The following KCNIP4 variants were observed in gnomAD, a reference collection of about 807,000 sequenced individuals.
KCNIP4 encodes the protein Kv channel-interacting protein 4.
A neutral mutation model predicts 34.0 loss-of-function variants in KCNIP4; 12 were observed. The ratio of observed to expected loss-of-function variants is 0.35; its 90% CI spans 0.23 to 0.57. KCNIP4 has a LOEUF of 0.57. KCNIP4 is among the 20% of genes least tolerant of loss of function. The probability of loss-of-function intolerance (pLI) is 0.83; values close to 1 mark genes in which losing one functional copy is unlikely to be tolerated. For missense variants in KCNIP4, 238 were observed against 311.7 expected (o/e 0.76, Z 1.78); for synonymous variants, 124 against 102.2 (o/e 1.21, Z -1.29).
rs139308291 is a variant in KCNIP4 at position 21,000,080 on chromosome 4, T to C, written c.62-117371A>G. 3.0e-3 allele frequency among the ~76,000 whole-genome samples: 452 copies of C among 152,312 alleles called. 1 individual carries two copies. Among genetic ancestry groups the C allele is most frequent in the African/African-American group, 0.01 (432 of 41,576 alleles). On this transcript the variant is annotated intron_variant, in intron 1 of 8. Transcript: ENST00000382152. ...ATGCTTCTGCAGTGTAGACCCTTCC[T>C]ACGTCCCTTGTCTTAGAATGGTGAA...
chr4:21,417,554 G>A (rs1056078244), intron 1 of KCNIP4, among the ~76,000 whole-genome samples: 1 of 152,102 alleles, frequency 6.6e-6, no homozygotes, highest in African/African-American at 2.4e-5. Context: ...TTTTCAGAAA[G>A]GGTCAGAGGA....
At chr4:20,840,043 G>C (rs1245007349) in intron 3 of KCNIP4, among the ~76,000 whole-genome samples, 2 of 152,124 alleles carry the variant, frequency 1.3e-5, no homozygotes, top group Non-Finnish European at 2.9e-5. Context: ...GGTTTATGTT[G>C]AACATCTGCT....
chr4:20,878,161 A>G (rs893970649), intron 2 of KCNIP4, among the ~76,000 whole-genome samples: 4 of 152,138 alleles, frequency 2.6e-5, no homozygotes, highest in African/African-American at 9.7e-5. Flanking sequence ...TATGTGCCTC[A>G]GTTTTTTTAG....
chr4:21,604,915 C>T (rs753303694), intron 1 of KCNIP4, among the ~76,000 whole-genome samples: 3 of 152,102 alleles, frequency 2.0e-5, no homozygotes, highest in Non-Finnish European at 2.9e-5. Context: ...CAGATTACTT[C>T]GCTTTAGGTT....
intron 1 of KCNIP4, among the ~76,000 whole-genome samples, chr4:21,326,704 C>T (rs34392744): frequency 8.0e-5 from 12 of 150,716 alleles, no homozygotes; most frequent in Non-Finnish European, 1.3e-4. Flanking sequence ...GTTGTTTTTT[C>T]GGTTTTCTCT....
In KCNIP4 at chr4:21,752,159, C is replaced by T. The variant is rs142860491; in HGVS notation, c.61+196412G>A. ...CCTTGGAAGGTGATATATGTATACG[C>T]TTAAGAAATAGTGGAAGGAATGGAT... On this transcript the variant is annotated intron_variant, in intron 1 of 8. Transcript: ENST00000382152. 5.1e-4 allele frequency among the ~76,000 whole-genome samples: 78 copies of T among 152,140 alleles called. 1 individual carries two copies. In the East Asian group the frequency reaches 0.015, roughly 29 times the overall value.
Position 21,109,587 on chromosome 4 carries a change from G to A in KCNIP4, c.62-226878C>T, listed in dbSNP as rs527639562. ...GCAATGCCTGGCCCTGCTTTGGCTC[G>A]CGCATGGTGCGCTGCACCCACTGTC... is the stretch of plus-strand genomic sequence containing the variant. On this transcript the variant is annotated intron_variant, in intron 1 of 8. Transcript: ENST00000382152. Among the ~76,000 whole-genome samples, 33 of 152,306 alleles carry A rather than the reference G, an allele frequency of 2.2e-4. 1 individual carries two copies. The highest frequency in any genetic ancestry group is 1.5e-3 in the South Asian group (7 of 4,820).
chr4:20,849,046 A>G (rs1391821651), intron 3 of KCNIP4, among the ~76,000 whole-genome samples: 1 of 152,156 alleles, frequency 6.6e-6, no homozygotes, highest in Admixed American at 6.6e-5. Context: ...GCCTGGAACC[A>G]CTGCAGAATA....
intron 1 of KCNIP4, among the ~76,000 whole-genome samples, chr4:21,512,184 C>G (rs200878021): frequency 0.025 from 3,346 of 136,490 alleles, 131 homozygotes; most frequent in African/African-American, 0.095. Flanking sequence ...AAGGAAGGAA[C>G]GAACGAAGGA....
intron 1 of KCNIP4, among the ~76,000 whole-genome samples, chr4:21,122,832 C>T (rs977016248): frequency 6.6e-6 from 1 of 152,076 alleles, no homozygotes; most frequent in African/African-American, 2.4e-5. Flanking sequence ...CTAGTTTCTA[C>T]CTGAAGGACT....
chr4:21,674,721 A>C (rs1159597149), intron 1 of KCNIP4, among the ~76,000 whole-genome samples: 1 of 152,126 alleles, frequency 6.6e-6, no homozygotes, highest in East Asian at 1.9e-4. Flanking sequence ...CAGATACAAC[A>C]GCCTTGGCAG....
chr4:20,761,854 C>T (rs952425425), intron 3 of KCNIP4, among the ~76,000 whole-genome samples: 2 of 152,168 alleles, frequency 1.3e-5, no homozygotes, highest in Non-Finnish European at 2.9e-5. Flanking sequence ...GAAAGTCTCA[C>T]CAGATAAATT....
chr4:21,558,408 C>T (rs1348779290), intron 1 of KCNIP4, among the ~76,000 whole-genome samples: 1 of 151,982 alleles, frequency 6.6e-6, no homozygotes, highest in Non-Finnish European at 1.5e-5. Flanking sequence ...AGGATAATTG[C>T]TTGAACCTGG....
intron 1 of KCNIP4, among the ~76,000 whole-genome samples, chr4:21,423,269 T>C (rs1725644691): frequency 6.6e-6 from 1 of 152,220 alleles, no homozygotes; most frequent in Admixed American, 6.5e-5. Context: ...TGAGTATTTA[T>C]GTAAAAGGCA....
chr4:21,348,793 C>T (rs935851051), intron 1 of KCNIP4, among the ~76,000 whole-genome samples: 1 of 152,116 alleles, frequency 6.6e-6, no homozygotes, highest in East Asian at 1.9e-4. Flanking sequence ...TACCATCTGG[C>T]CTATGCTAGG....
At chr4:21,841,448 G>A (rs1054770770) in intron 1 of KCNIP4, among the ~76,000 whole-genome samples, 2 of 152,162 alleles carry the variant, frequency 1.3e-5, no homozygotes, top group Non-Finnish European at 2.9e-5. Context: ...TCATCCTTGT[G>A]TTGAAAAAGA....
chr4:21,434,484 T>C (rs1262917294), intron 1 of KCNIP4, among the ~76,000 whole-genome samples: 3 of 152,154 alleles, frequency 2.0e-5, no homozygotes, highest in Admixed American at 6.5e-5. Context: ...GCTGGGACTC[T>C]GGGACCATAT....
intron 1 of KCNIP4, among the ~76,000 whole-genome samples, chr4:21,487,344 G>A (rs2125965): frequency 0.29 from 43,621 of 151,904 alleles, 6,322 homozygotes; most frequent in South Asian, 0.34. Context: ...GAATACGCTC[G>A]TATGTTTTTG....
At chr4:20,758,021 T>C (rs1754628496) in intron 4 of KCNIP4, among the ~76,000 whole-genome samples, 1 of 152,180 alleles carries the variant, frequency 6.6e-6, no homozygotes, top group South Asian at 2.1e-4. Context: ...ACACTAGGTA[T>C]AACATTCTTT....
Sources: gnomAD v4.1 joint callset for allele counts (sites outside exome capture counted in the v4.1 genomes callset) on GRCh38, gnomAD v4.1.1 for gene constraint, MANE v1.5 for transcripts, NCBI Gene and HGNC (gene_info 2026-07-23, HGNC 2026-07-21) for gene names.